The following METAP1D variants were observed in gnomAD, a reference collection of about 807,000 sequenced individuals.
METAP1D encodes the protein methionine aminopeptidase 1D, mitochondrial.
A neutral mutation model predicts 40.5 loss-of-function variants in METAP1D; 31 were observed. The ratio of observed to expected loss-of-function variants is 0.77; its 90% CI spans 0.58 to 1.03. The LOEUF is 1.03. Ranked by LOEUF, METAP1D falls within the 50% of genes least tolerant of loss-of-function variation. The pLI is 0.00. For missense variants in METAP1D, 411 were observed against 420.7 expected, an observed-to-expected ratio of 0.98 and a Z score of 0.20; for synonymous variants, 151 against 146.4, an observed-to-expected ratio of 1.03 and a Z score of -0.22.
chr2:172,003,440 A>T (rs1688507941), intron 1 of METAP1D, among the ~76,000 whole-genome samples: 1 of 152,148 alleles, frequency 6.6e-6, no homozygotes, highest in Non-Finnish European at 1.5e-5. Flanking sequence ...AATTGTAATA[A>T]TCCCCATGTG....
At chr2:172,037,186 CG>C (rs1401222790) in intron 1 of METAP1D, among the ~76,000 whole-genome samples, 1 of 151,816 alleles carries the variant, frequency 6.6e-6, no homozygotes, top group Non-Finnish European at 1.5e-5. Context: ...CGCTTGAACC[CG>C]GGAGGCGGAG....
chr2:172,020,758 T>TCATGA (rs1349854467), intron 1 of METAP1D, among the ~76,000 whole-genome samples: 2 of 152,200 alleles, frequency 1.3e-5, no homozygotes, highest in Non-Finnish European at 2.9e-5. Flanking sequence ...CTTTTATTTG[T>TCATGA]CAGTGTTTAG....
intron 1 of METAP1D, among the ~76,000 whole-genome samples, chr2:172,015,181 C>T (rs530462825): frequency 6.6e-5 from 10 of 152,136 alleles, no homozygotes; most frequent in Non-Finnish European, 1.3e-4. Context: ...TGGTGGCTCA[C>T]GCCTGTAATC....
intron 1 of METAP1D, among the ~76,000 whole-genome samples, chr2:172,003,100 G>A (rs1366410151): frequency 1.3e-5 from 2 of 152,146 alleles, no homozygotes; most frequent in Non-Finnish European, 2.9e-5. Context: ...GAATTGAGAG[G>A]CTGTTAAGAT....
rs201087160 is a variant in METAP1D at position 172,017,375 on chromosome 2, G to GTA, written c.40+17374_40+17375dup. Among the ~76,000 whole-genome samples, 542 of 149,084 alleles carry GTA rather than the reference G, an allele frequency of 3.6e-3. 3 individuals are homozygous for GTA. Among genetic ancestry groups the GTA allele is most frequent in the Middle Eastern group, 0.014 (4 of 280 alleles). On this transcript the variant is annotated intron_variant, in intron 1 of 9. Transcript: ENST00000315796. Reference sequence around the variant, plus strand: ...TATAGGTATATATGTATATATATGTGTATATATATGTATATATGTGTATAT... The same window carrying GTA: ...TATAGGTATATATGTATATATATGTGTATATATATATGTATATATGTGTATAT...
chr2:172,059,961 G>T (rs1210679288), intron 1 of METAP1D, among the ~76,000 whole-genome samples: 2 of 152,178 alleles, frequency 1.3e-5, no homozygotes, highest in East Asian at 3.9e-4. Flanking sequence ...TGAGGCAGGA[G>T]AATTGCTTGG....
rs1559010486 is a variant in METAP1D, at chr2:172,045,834, T to TAC, written c.41-15663_41-15662insCA. Among the ~76,000 whole-genome samples, 232 of 88,556 alleles carry TAC rather than the reference T, an allele frequency of 2.6e-3. 7 individuals carry two copies. Among genetic ancestry groups the TAC allele is most frequent in the African/African-American group, 8.8e-3 (188 of 21,376 alleles). 58.1% of individuals were successfully genotyped at this position (88,556 alleles called of 152,430 possible). On this transcript the variant is annotated intron_variant, in intron 1 of 9. Coordinates refer to ENST00000315796, the MANE Select transcript of METAP1D (RefSeq NM_199227.3). ...GTGTGTGTGTGTATATATATATATA[T>TAC]ATATATATATATATATATATATATA...
chr2:172,059,408 C>T (rs1381136994), intron 1 of METAP1D, among the ~76,000 whole-genome samples: 1 of 152,064 alleles, frequency 6.6e-6, no homozygotes. Context: ...TGCTCTAGAC[C>T]AGGATTCAGC....
intron 1 of METAP1D, among the ~76,000 whole-genome samples, chr2:172,005,520 T>TTATATATATATATA (rs34982215): frequency 0.034 from 3,804 of 110,512 alleles, 96 homozygotes; most frequent in Non-Finnish European, 0.046. Flanking sequence ...TGTCTGTATT[T>TTATATATATATATA]TATATATATA....
At chr2:172,018,126 C>CAAAA (rs34937813) in intron 1 of METAP1D, among the ~76,000 whole-genome samples, 1 of 76,720 alleles carries the variant, frequency 1.3e-5, no homozygotes, top group African/African-American at 5.4e-5. Flanking sequence ...GACTCTGTCT[C>CAAAA]AAAAAAAAAA....
At position 172,007,279 on chromosome 2, in the gene METAP1D, C is replaced by T. The variant is rs201163025; in HGVS notation, c.40+7270C>T. Among the ~76,000 whole-genome samples the T allele has an allele frequency of 4.6e-4, 70 of 151,990 alleles. No individual in the cohort carries two copies. The East Asian group carries it at 0.012, about 27-fold the overall frequency. ...CAAACTCCTGGGCTCAAGCAATCCT[C>T]CTGCCTCAGCCTTCCAAGTAGCTGG... On this transcript the variant is annotated intron_variant, in intron 1 of 9. Transcript: ENST00000315796.
chr2:172,063,941 T>C (rs1419117846), intron 3 of METAP1D, 81 bp downstream of exon 3: 4 of 1,395,546 alleles, frequency 2.9e-6, no homozygotes, highest in Non-Finnish European at 3.7e-6. Flanking sequence ...TTAACTCTTC[T>C]TTTAGGTTGA....
chr2:172,078,143 G>T (rs551492687), intron 7 of METAP1D, among the ~76,000 whole-genome samples: 9 of 152,236 alleles, frequency 5.9e-5, no homozygotes, highest in Middle Eastern at 3.4e-3. Context: ...CTCCTGAAGG[G>T]TGCATGGCTG....
At chr2:172,047,616 T>C (rs576671407) in intron 1 of METAP1D, among the ~76,000 whole-genome samples, 1 of 152,272 alleles carries the variant, frequency 6.6e-6, no homozygotes, top group East Asian at 1.9e-4. Flanking sequence ...GTATTTTTCA[T>C]AGAGATGCGG....
chr2:172,033,096 A>G (rs1203823625), intron 1 of METAP1D, among the ~76,000 whole-genome samples: 1 of 151,972 alleles, frequency 6.6e-6, no homozygotes, highest in Non-Finnish European at 1.5e-5. Context: ...AAATAAAAAA[A>G]TCAAACTTGA....
intron 1 of METAP1D, among the ~76,000 whole-genome samples, chr2:172,018,189 C>T (rs1688923764): frequency 1.3e-5 from 2 of 149,200 alleles, no homozygotes; most frequent in Non-Finnish European, 1.5e-5. Flanking sequence ...AAATATGACA[C>T]GTATAAGGGC....
intron 1 of METAP1D, among the ~76,000 whole-genome samples, chr2:172,022,116 G>A (rs536873384): frequency 6.6e-6 from 1 of 152,266 alleles, no homozygotes; most frequent in African/African-American, 2.4e-5. Flanking sequence ...ATTTAGACAT[G>A]CAGACTACCT....
intron 6 of METAP1D, among the ~76,000 whole-genome samples, chr2:172,073,719 A>G (rs1450615115): frequency 6.6e-6 from 1 of 152,224 alleles, no homozygotes; most frequent in Non-Finnish European, 1.5e-5. Flanking sequence ...TATTCTGGCA[A>G]AATCTTAGGG....
At chr2:172,025,433 A>G (rs1023421299) in intron 1 of METAP1D, among the ~76,000 whole-genome samples, 2 of 152,048 alleles carry the variant, frequency 1.3e-5, no homozygotes, top group African/African-American at 4.8e-5. Flanking sequence ...GGCTCAATCA[A>G]TCCACCCACC....
Sources: allele counts gnomAD v4.1 joint callset (sites outside exome capture counted in the v4.1 genomes callset), GRCh38; gene constraint gnomAD v4.1.1; transcripts MANE v1.5; gene names NCBI Gene and HGNC (gene_info 2026-07-23, HGNC 2026-07-21).